TLK1: variants seen among roughly 807,000 people sequenced by gnomAD.
TLK1 encodes the protein tousled like kinase 1.
A neutral mutation model predicts 105.3 loss-of-function variants in TLK1; 24 were observed. That is an observed-to-expected ratio of 0.23 (90% CI 0.17 to 0.32). The LOEUF (loss-of-function observed/expected upper bound fraction) is 0.32. Ranked by LOEUF, TLK1 falls within the 10% of genes least tolerant of loss-of-function variation. TLK1 has a pLI of 1.00. For synonymous variants in TLK1, 321 were observed against 310.4 expected (o/e 1.03, Z -0.36); for missense variants, 558 against 910.5 (o/e 0.61, Z 4.98).
At chr2:171,164,918 C>A (rs1692578584), upstream of TLK1, among the ~76,000 whole-genome samples, 1 of 151,940 alleles carries the variant, frequency 6.6e-6, no homozygotes, top group Non-Finnish European at 1.5e-5. Flanking sequence ...CCTAGGAGTT[C>A]TAGACTAGCC....
chr2:171,155,787 T>A (rs756372705), intron 1 of TLK1: 2 of 152,220 alleles, frequency 1.3e-5, no homozygotes, highest in African/African-American at 4.8e-5. Flanking sequence ...CCAAGTCTAG[T>A]TGTCATACAG....
chr2:171,035,825 G>T (rs1686302679), intron 11 of TLK1, among the ~76,000 whole-genome samples: 1 of 152,042 alleles, frequency 6.6e-6, no homozygotes, highest in Non-Finnish European at 1.5e-5. Flanking sequence ...GACGGAAGGG[G>T]ATCATAAACC....
intron 3 of TLK1, chr2:171,081,605 G>C: frequency 7.8e-7 from 1 of 1,276,944 alleles, no homozygotes; most frequent in Non-Finnish European, 1.0e-6. Flanking sequence ...AAACTAAACT[G>C]ATAATCTGAT....
intron 2 of TLK1, among the ~76,000 whole-genome samples, chr2:171,116,474 G>C (rs1260208209): frequency 3.3e-5 from 5 of 152,158 alleles, no homozygotes; most frequent in Non-Finnish European, 7.4e-5. Context: ...GCCGAGGTGG[G>C]TGGATCACCT....
chr2:171,115,832 C>G (rs1212296267), intron 2 of TLK1, among the ~76,000 whole-genome samples: 1 of 152,130 alleles, frequency 6.6e-6, no homozygotes, highest in East Asian at 1.9e-4. Context: ...ATTCTGCAAC[C>G]ATATTCTGGA....
intron 10 of TLK1, among the ~76,000 whole-genome samples, chr2:171,046,898 AT>A (rs1686987691): frequency 1.3e-5 from 2 of 152,340 alleles, no homozygotes; most frequent in East Asian, 3.9e-4. Context: ...CAAAAGGCAA[AT>A]ATGAATTTAA....
intron 11 of TLK1, among the ~76,000 whole-genome samples, chr2:171,037,318 G>A (rs549107946): frequency 2.6e-4 from 40 of 152,054 alleles, no homozygotes; most frequent in Admixed American, 1.8e-3. Context: ...GCGCATGGCT[G>A]TAGTCCCAGC....
At chr2:171,119,794 T>G (rs1157228593) in intron 1 of TLK1, among the ~76,000 whole-genome samples, 1 of 152,238 alleles carries the variant, frequency 6.6e-6, no homozygotes, top group Non-Finnish European at 1.5e-5. Context: ...GTTGGATCCT[T>G]ACTTTAACCA....
chr2:171,018,502 T>C (rs1685313858), intron 12 of TLK1, among the ~76,000 whole-genome samples: 1 of 152,246 alleles, frequency 6.6e-6, no homozygotes, highest in Non-Finnish European at 1.5e-5. Context: ...CAAAGATCTA[T>C]CCAGTAGGCT....
intron 1 of TLK1, among the ~76,000 whole-genome samples, chr2:171,185,259 G>A (rs1693005790): frequency 6.6e-6 from 1 of 151,914 alleles, no homozygotes; most frequent in African/African-American, 2.4e-5. Context: ...ATGTTTCCTA[G>A]CATCTTAACT....
At chr2:171,124,219 T>C (rs969514158) in intron 1 of TLK1, among the ~76,000 whole-genome samples, 3 of 152,216 alleles carry the variant, frequency 2.0e-5, no homozygotes, top group East Asian at 3.8e-4. Context: ...TTGAGAAATA[T>C]ATAAAGCAGC....
rs1683903256 is a variant in TLK1, at chr2:170,993,694, A to G, written c.*86T>C. 25 of 1,093,216 alleles carry G rather than the reference A, an allele frequency of 2.3e-5. No individual in the cohort carries two copies. Among genetic ancestry groups the G allele is most frequent in the Admixed American group, 8.6e-5 (3 of 34,936 alleles). The allele number at this position is 1,093,216 out of a possible 1,614,324, so 67.7% of individuals were successfully genotyped here. A position where few individuals can be genotyped will look rare whatever the true frequency, so the allele number is the denominator to read the frequency against. The stretch of plus-strand genomic sequence containing the variant: ...AAAAAAAAAAAAAAAAAAAAAAGAA[A>G]AAGAAAACAAACACTCAAATGCTCT... On this transcript the variant is annotated 3_prime_UTR_variant, in exon 21 of 21. Transcript: ENST00000431350.
At chr2:171,047,187 C>T (rs1687003239) in intron 10 of TLK1, among the ~76,000 whole-genome samples, 1 of 152,136 alleles carries the variant, frequency 6.6e-6, no homozygotes, top group African/African-American at 2.4e-5. Flanking sequence ...GATACCATGT[C>T]TATTATTAAA....
chr2:171,115,991 G>A (rs187610795), intron 2 of TLK1, among the ~76,000 whole-genome samples: 12 of 152,206 alleles, frequency 7.9e-5, no homozygotes, highest in Non-Finnish European at 1.2e-4. Context: ...TTATTCATGT[G>A]TCTATAAATT....
rs372844435 is a variant in TLK1 at position 171,074,626 on chromosome 2, C to CAA, written c.330+8153_330+8154dup. Among the ~76,000 whole-genome samples the CAA allele has an allele frequency of 1.8e-3, 159 of 89,898 alleles. 2 individuals are homozygous for CAA. The highest frequency in any genetic ancestry group is 0.012 in the East Asian group (40 of 3,236). 59.0% of individuals were successfully genotyped at this position (89,898 alleles called of 152,430 possible). A position where few individuals can be genotyped will look rare whatever the true frequency, so the allele number is the denominator to read the frequency against. On this transcript the variant is annotated intron_variant, in intron 3 of 20. Transcript: ENST00000431350. The stretch of plus-strand genomic sequence containing the variant: ...TGCGTGACAGAGCGAGACTCTGCCT[C>CAA]AAAAAAAAAAAAAAAAAAAGAAAGA...
chr2:170,998,597 G>A (rs2557796), intron 18 of TLK1, among the ~76,000 whole-genome samples: 5,820 of 152,130 alleles, frequency 0.038, 378 homozygotes, highest in African/African-American at 0.13. Context: ...GCTTTTCTCT[G>A]TGTTACTGCA....
intron 1 of TLK1, among the ~76,000 whole-genome samples, chr2:171,184,236 T>G (rs977207230): frequency 1.3e-5 from 2 of 152,200 alleles, no homozygotes; most frequent in African/African-American, 4.8e-5. Flanking sequence ...CAGAAAGCCC[T>G]GCTGACACCT....
intron 2 of TLK1, 115 bp from the exon 3 acceptor site, chr2:171,082,967 T>C (rs1024030706): frequency 2.8e-6 from 2 of 702,298 alleles, no homozygotes; most frequent in Admixed American, 6.3e-5. Flanking sequence ...ATAAATAAAG[T>C]ATAATTCCTT....
intron 1 of TLK1, among the ~76,000 whole-genome samples, chr2:171,135,097 G>T (rs1266688797): frequency 1.3e-5 from 2 of 152,054 alleles, no homozygotes; most frequent in Non-Finnish European, 2.9e-5. Flanking sequence ...GGAAATGTTG[G>T]TCAAAGGACA....
Sources: gnomAD v4.1 joint callset for allele counts (sites outside exome capture counted in the v4.1 genomes callset) on GRCh38, gnomAD v4.1.1 for gene constraint, MANE v1.5 for transcripts, NCBI Gene and HGNC (gene_info 2026-07-23, HGNC 2026-07-21) for gene names.